TBXAS1: variants seen among roughly 807,000 people sequenced by gnomAD.
TBXAS1 encodes thromboxane A synthase 1.
In TBXAS1, 48 loss-of-function variants were observed where a neutral mutation model predicts 60.7. That is an observed-to-expected ratio of 0.79 (90% CI 0.63 to 1.01). The LOEUF (loss-of-function observed/expected upper bound fraction) is 1.01. TBXAS1 is among the 50% of genes least tolerant of loss of function. The pLI is 0.00. For synonymous variants in TBXAS1, 287 were observed against 269.7 expected (o/e 1.06, Z -0.63); for missense variants, 685 against 686.3 (o/e 1.00, Z 0.02).
chr7:139,912,973 A>G, intron 4 of TBXAS1: 1 of 629,208 alleles, frequency 1.6e-6, no homozygotes, highest in Non-Finnish European at 2.9e-6. Context: ...TTTACTGCCA[A>G]AGCTGTGACA....
At chr7:139,784,023 T>G (rs1402054657) in intron 3 of TBXAS1, among the ~76,000 whole-genome samples, 2 of 151,178 alleles carry the variant, frequency 1.3e-5, no homozygotes, top group Non-Finnish European at 3.0e-5. Flanking sequence ...TTTTTTTTTT[T>G]TTGTATTTTT....
chr7:139,948,004 G>T (rs1406634123), intron 5 of TBXAS1, among the ~76,000 whole-genome samples: 1 of 151,960 alleles, frequency 6.6e-6, no homozygotes, highest in African/African-American at 2.4e-5. Flanking sequence ...AGCTGGGATT[G>T]CTGGCACGGG....
intron 9 of TBXAS1, among the ~76,000 whole-genome samples, chr7:139,980,407 C>A (rs1239972499): frequency 6.6e-6 from 1 of 152,062 alleles, no homozygotes; most frequent in African/African-American, 2.4e-5. Flanking sequence ...GTAATCCATC[C>A]CTGCTGGTGC....
At chr7:139,818,379 C>T (rs1798208042) in intron 4 of TBXAS1, among the ~76,000 whole-genome samples, 1 of 152,168 alleles carries the variant, frequency 6.6e-6, no homozygotes, top group Non-Finnish European at 1.5e-5. Context: ...TCAGTAAAGA[C>T]AGGGACTTGG....
chr7:139,910,144 T>C (rs1805403615), intron 3 of TBXAS1, among the ~76,000 whole-genome samples: 1 of 152,180 alleles, frequency 6.6e-6, no homozygotes, highest in Non-Finnish European at 1.5e-5. Context: ...TCACGCTGTA[T>C]ATTAATTGCC....
chr7:139,816,629 A>G lies in TBXAS1; in HGVS notation c.-79-12683A>G, dbSNP rs117137010. The stretch of plus-strand genomic sequence containing the variant: ...ACCTGGGAAATTGGAAGAAATGCAA[A>G]TTCTAGGGCCCCAACCCAGAATTAC... On this transcript the variant is annotated intron_variant, in intron 4 of 16. Transcript: ENST00000336425. Among the ~76,000 whole-genome samples the G allele has an allele frequency of 5.3e-4, 80 of 152,320 alleles. 2 individuals carry two copies. The East Asian group carries it at 0.015, about 29-fold the overall frequency.
At chr7:139,868,801 C>G (rs1801617059) in intron 1 of TBXAS1, among the ~76,000 whole-genome samples, 1 of 151,572 alleles carries the variant, frequency 6.6e-6, no homozygotes, top group South Asian at 2.1e-4. Flanking sequence ...GGATTACAAG[C>G]CTGCCTGGTT....
At chr7:139,825,841 C>T (rs1798422352), upstream of TBXAS1, among the ~76,000 whole-genome samples, 1 of 152,180 alleles carries the variant, frequency 6.6e-6, no homozygotes, top group African/African-American at 2.4e-5. Flanking sequence ...TTATAAATGT[C>T]CCTGAAGAGG....
At chr7:139,931,508 G>A (rs983381112) in intron 4 of TBXAS1, among the ~76,000 whole-genome samples, 2 of 152,200 alleles carry the variant, frequency 1.3e-5, no homozygotes, top group East Asian at 1.9e-4. Context: ...AAAGAAAGGG[G>A]TAATGGACTC....
intron 1 of TBXAS1, among the ~76,000 whole-genome samples, chr7:139,779,823 C>A (rs1796925054): frequency 6.6e-6 from 1 of 152,222 alleles, no homozygotes; most frequent in Non-Finnish European, 1.5e-5. Context: ...ATGAGTTCAG[C>A]AAGTCACTGC....
chr7:139,966,416 G>C (rs766821719), intron 9 of TBXAS1, among the ~76,000 whole-genome samples: 24 of 152,170 alleles, frequency 1.6e-4, no homozygotes, highest in Non-Finnish European at 3.1e-4. Flanking sequence ...ACTCCAGAGG[G>C]CAGAGCTGCC....
chr7:139,970,305 C>G (rs1342118749), intron 9 of TBXAS1, among the ~76,000 whole-genome samples: 1 of 152,192 alleles, frequency 6.6e-6, no homozygotes, highest in South Asian at 2.1e-4. Context: ...CAGGGTTTCA[C>G]CATGTTGGAC....
intron 1 of TBXAS1, among the ~76,000 whole-genome samples, chr7:139,832,131 C>T (rs1406044417): frequency 6.6e-6 from 1 of 152,120 alleles, no homozygotes; most frequent in East Asian, 1.9e-4. Context: ...CGGATTGCTC[C>T]TGTAGGGCCC....
chr7:139,983,213 C>T (rs1363780528), intron 9 of TBXAS1, among the ~76,000 whole-genome samples: 1 of 152,198 alleles, frequency 6.6e-6, no homozygotes, highest in Admixed American at 6.5e-5. Context: ...TACTGCCCTG[C>T]CCCATCTTCA....
At position 139,943,869 on chromosome 7, in the gene TBXAS1, T is replaced by C. The variant is rs936391195; in HGVS notation, c.450+7562T>C. Among the ~76,000 whole-genome samples the C allele has an allele frequency of 5.9e-5, 9 of 152,172 alleles. 1 individual carries two copies. The highest frequency in any genetic ancestry group is 2.2e-4 in the African/African-American group (9 of 41,428). ...TAGAGCACTTTAAGGCATTAATTTT[T>C]TCATTTTAAAAAAAAACCCAGAAAT... On this transcript the variant is annotated intron_variant, in intron 5 of 12. Transcript: ENST00000448866.
chr7:140,017,898 C>T (rs140632156), intron 12 of TBXAS1, 65 bp downstream of exon 12: 20 of 1,610,058 alleles, frequency 1.2e-5, no homozygotes, highest in East Asian at 2.2e-5. Context: ...CAGTTCTCTG[C>T]GTGAGAGCAG....
chr7:139,780,059 A>G (rs371467982), intron 1 of TBXAS1, among the ~76,000 whole-genome samples: 2 of 152,236 alleles, frequency 1.3e-5, no homozygotes, highest in South Asian at 2.1e-4. Context: ...TAGCTCTTCC[A>G]CTTAACTATG....
chr7:139,928,892 G>A (rs1807088387), intron 4 of TBXAS1, among the ~76,000 whole-genome samples: 1 of 152,170 alleles, frequency 6.6e-6, no homozygotes, highest in East Asian at 1.9e-4. Context: ...AAAGCCCTTG[G>A]GGTGAAGTCC....
chr7:139,919,418 T>C (rs1221232223), intron 4 of TBXAS1, among the ~76,000 whole-genome samples: 4 of 152,230 alleles, frequency 2.6e-5, no homozygotes, highest in Non-Finnish European at 5.9e-5. Context: ...CTTGGAGTCC[T>C]TAGAAGCACC....
Sources: allele counts gnomAD v4.1 joint callset (sites outside exome capture counted in the v4.1 genomes callset), GRCh38; gene constraint gnomAD v4.1.1; transcripts MANE v1.5; gene names NCBI Gene and HGNC (gene_info 2026-07-23, HGNC 2026-07-21).